The following PNLDC1 variants were observed in gnomAD, a reference collection of about 807,000 sequenced individuals.
PNLDC1 encodes the protein PARN like ribonuclease domain containing exonuclease 1.
Under a neutral mutation model 82.0 loss-of-function variants are expected in PNLDC1, and 70 were observed. The observed-to-expected ratio is 0.85, with a 90% confidence interval of 0.70 to 1.04. The LOEUF (loss-of-function observed/expected upper bound fraction) is 1.04, where lower values mean the gene tolerates loss of function less well. Ranked by LOEUF, PNLDC1 falls within the 50% of genes least tolerant of loss-of-function variation. The probability of loss-of-function intolerance (pLI) is 0.00; values close to 1 mark genes in which losing one functional copy is unlikely to be tolerated. For missense variants in PNLDC1, 631 were observed against 661.1 expected, an observed-to-expected ratio of 0.95 and a Z score of 0.50; for synonymous variants, 280 against 249.3, an observed-to-expected ratio of 1.12 and a Z score of -1.16.
chr6:159,805,857 G>T, intron 6 of PNLDC1, 126 bp from the exon 7 acceptor site: 2 of 699,132 alleles, frequency 2.9e-6, no homozygotes, highest in South Asian at 1.6e-5. Flanking sequence ...TCTTCTTTTG[G>T]TACATTTTCT....
In PNLDC1 at chr6:159,819,040, A is replaced by G. The variant is rs749654561; in HGVS notation, c.1352A>G (p.His451Arg). The G allele has an allele frequency of 9.3e-6, 15 of 1,613,904 alleles. No individual in the cohort carries two copies. Among genetic ancestry groups the G allele is most frequent in the Admixed American group, 3.3e-5 (2 of 59,998 alleles). Residue 451 changes from histidine (H) to arginine (R), a missense_variant, in exon 17 of 19, where the codon CAT becomes CGT. By Grantham distance (29) the His-to-Arg change is conservative (BLOSUM62 0). Coordinates refer to ENST00000392167, the MANE Select transcript of PNLDC1 (RefSeq NM_001271862.2). This position sits in a 1 kb window ranked among gnomAD's most constrained non-coding sequence, Gnocchi z 4.6. ...GGGGTCAGCGAGCAGCAAGTCTACC[A>G]TAAGTTTCAGAATCTCTGCAAGTTT... ...WPGVSEQQVY[H>R]KFQNLCKFDV...
rs1781719920 is a variant in PNLDC1, at chr6:159,813,727, G to A, written c.995+71G>A. ...GCCTCCCTGTGCTCCGCAGGCCTTT[G>A]GGCTCTCTAGGCGTGCCCACCATTC... On this transcript the variant is annotated intron_variant, in intron 12 of 18. Coordinates refer to ENST00000392167, the MANE Select transcript of PNLDC1 (RefSeq NM_001271862.2). 92 of 1,374,914 alleles carry A rather than the reference G, an allele frequency of 6.7e-5. 3 individuals are homozygous for A. The South Asian group carries it at 1.0e-3, about 15-fold the overall frequency. 85.2% of individuals were successfully genotyped at this position (1,374,914 alleles called of 1,614,324 possible).
intron 5 of PNLDC1, 133 bp downstream of exon 5, chr6:159,804,221 C>G: frequency 9.2e-7 from 1 of 1,081,422 alleles, no homozygotes; most frequent in Non-Finnish European, 1.3e-6. Flanking sequence ...CTGCTTCAGC[C>G]TCCCAAGTAG....
chr6:159,816,698 T>C, intron 14 of PNLDC1, 102 bp downstream of exon 14: 1 of 1,091,468 alleles, frequency 9.2e-7, no homozygotes, highest in Non-Finnish European at 1.4e-6. Context: ...GTGGTGAGGA[T>C]CTCGGCTCAC....
At chr6:159,800,126 A>G (rs1781177720), upstream of PNLDC1, 1 of 541,404 alleles carries the variant, frequency 1.8e-6, no homozygotes, top group South Asian at 2.6e-5. Flanking sequence ...GTACAATTAA[A>G]ACACCCGCAG....
In PNLDC1 at chr6:159,820,588, G is replaced by T. The variant is rs968199426; in HGVS notation, c.*71G>T. On this transcript the variant is annotated 3_prime_UTR_variant, in exon 19 of 19. Transcript: ENST00000392167. ...TGGGAGGTGTGCTGGGTGTGTTCGT[G>T]TAAATCAGATTCTGTTTGCAGATGG... is the stretch of plus-strand genomic sequence containing the variant. 7.0e-7 allele frequency: 1 copy of T among 1,427,866 alleles called. No individual in the cohort carries two copies. The highest frequency in any genetic ancestry group is 1.4e-5 in the African/African-American group (1 of 71,194). The allele number at this position is 1,427,866 out of a possible 1,614,324, so 88.4% of individuals were successfully genotyped here. A position where few individuals can be genotyped will look rare whatever the true frequency, so the allele number is the denominator to read the frequency against.
rs764184043 is a variant in PNLDC1 at position 159,809,015 on chromosome 6, G to T, written c.640G>T (p.Val214Leu). The T allele has an allele frequency of 6.2e-7, 1 of 1,612,184 alleles. No individual in the cohort carries two copies. ...NIWTVLKDEGVVVKKVSKQHR... is the reference protein window; with the variant it reads ...NIWTVLKDEGLVVKKVSKQHR... Reference sequence around the variant, plus strand: ...CAGGGAATTTGTCCCTGCTTTTCAGGTGGTAGTGAAGAAAGTGAGTAAACA... The same window carrying T: ...CAGGGAATTTGTCCCTGCTTTTCAGTTGGTAGTGAAGAAAGTGAGTAAACA... Residue 214 changes from valine to leucine, a missense_variant and splice_region_variant, in exon 9 of 19, where the codon GTG becomes TTG. By Grantham distance (32) the Val-to-Leu change is conservative. Coordinates refer to ENST00000392167, the MANE Select transcript of PNLDC1 (RefSeq NM_001271862.2).
chr6:159,810,002 C>A (rs1279646268), intron 9 of PNLDC1, 24 bp from the exon 10 acceptor site: 1 of 1,593,086 alleles, frequency 6.3e-7, no homozygotes, highest in East Asian at 2.2e-5. Context: ...TATTTTCTCT[C>A]ACCTGTTGAT....
In PNLDC1 at chr6:159,800,317, G is replaced by T; in HGVS notation, c.10G>T (p.Gly4Cys). The change falls in exon 1 of 19, where the codon GGC (glycine) becomes TGC (cysteine). Residue 4 changes from glycine (G) to cysteine (C), a missense_variant. Transcript: ENST00000392167. Reference sequence around the variant, plus strand: ...GCGGAGCTGCACGGCCATGGACGTGGGCGCCGACGAGTTCGAGGAGAGCCT... The same window carrying T: ...GCGGAGCTGCACGGCCATGGACGTGTGCGCCGACGAGTTCGAGGAGAGCCT... Reference protein sequence around the residue: MDVGADEFEESLPL... With the variant: MDVCADEFEESLPL... The T allele has an allele frequency of 6.5e-7, 1 of 1,547,708 alleles. No homozygotes were observed. Among genetic ancestry groups the T allele is most frequent in the Non-Finnish European group, 8.7e-7 (1 of 1,146,258 alleles).
chr6:159,813,163 G>T (rs569920297), intron 11 of PNLDC1, among the ~76,000 whole-genome samples: 1 of 152,314 alleles, frequency 6.6e-6, no homozygotes, highest in South Asian at 2.1e-4. Flanking sequence ...GTCTGTCTTT[G>T]CCCAGAGGCT....
rs143586629 is a variant in PNLDC1, at chr6:159,819,076, G to A, written c.1388G>A (p.Arg463Gln). The part of the protein sequence containing the change: ...FQNLCKFDVR[R>Q]LTRSQFLLLT... ...AATCTCTGCAAGTTTGATGTCAGGC[G>A]ACTCACAAGAAGCCAGTTCTTACTC... The change falls in exon 17 of 19, where the codon CGA (arginine) becomes CAA (glutamine). Residue 463 changes from arginine to glutamine, a missense_variant. Arg to Gln is a conservative substitution (Grantham distance 43, BLOSUM62 1). Transcript: ENST00000392167. This position sits in a 1 kb window ranked among gnomAD's most constrained non-coding sequence, Gnocchi z 4.6. 2.4e-5 allele frequency: 38 copies of A among 1,613,820 alleles called. No homozygotes were observed. Among genetic ancestry groups the A allele is most frequent in the East Asian group, 4.5e-5 (2 of 44,882 alleles).
chr6:159,818,320 C>T (rs942205469), intron 15 of PNLDC1, among the ~76,000 whole-genome samples: 1 of 152,232 alleles, frequency 6.6e-6, no homozygotes, highest in Non-Finnish European at 1.5e-5. Flanking sequence ...ACCAAACCAT[C>T]ACCAGCAGAT....
intron 1 of PNLDC1, 174 bp downstream of exon 1, chr6:159,800,557 A>T: frequency 7.3e-7 from 1 of 1,375,170 alleles, no homozygotes; most frequent in South Asian, 1.3e-5. Context: ...CAGCAAGTAC[A>T]CTCCGAGCCC....
chr6:159,803,449 C>T (rs577355197), intron 4 of PNLDC1, 139 bp downstream of exon 4: 2 of 719,370 alleles, frequency 2.8e-6, no homozygotes, highest in Non-Finnish European at 4.7e-6. Context: ...TTCCTCCACT[C>T]ACTCTGCCCT....
intron 13 of PNLDC1, 98 bp downstream of exon 13, chr6:159,816,131 CACCCACCCGCCACACCCCT>C (rs1781810396): frequency 2.0e-6 from 1 of 493,310 alleles, no homozygotes; most frequent in Non-Finnish European, 2.7e-6. Flanking sequence ...CACCCCTCCC[CACCCACCCGCCACACCCCT>C]CCCCACCCCC....
At chr6:159,800,673 AGGTGAGCGCG>A (rs1781210351) in intron 1 of PNLDC1, 89 bp from the exon 2 acceptor site, 1 of 1,613,412 alleles carries the variant, frequency 6.2e-7, no homozygotes, top group Admixed American at 1.7e-5. Context: ...TTGAGCGCAG[AGGTGAGCGCG>A]GGTGCCTTGG....
chr6:159,807,910 T>C (rs2115037138), intron 7 of PNLDC1, among the ~76,000 whole-genome samples: 1 of 149,246 alleles, frequency 6.7e-6, no homozygotes, highest in South Asian at 2.1e-4. Flanking sequence ...GAGGCTGGAT[T>C]TTTTTTTTCT....
chr6:159,801,200 C>A lies in PNLDC1; in HGVS notation c.208+14C>A. 5 of 1,608,800 alleles carry A rather than the reference C, an allele frequency of 3.1e-6. No homozygotes were observed. Among genetic ancestry groups the A allele is most frequent in the Non-Finnish European group, 1.7e-6 (2 of 1,175,136 alleles). On this transcript the variant is annotated intron_variant, in intron 3 of 18. Transcript: ENST00000392167. The stretch of plus-strand genomic sequence containing the variant: ...TCTGTCAGATTGGTGAGTTTAATAT[C>A]AGCTGTTAGAGTTTTTCAAGAAGGT...
At chr6:159,800,421 C>A (rs1205897585) in intron 1 of PNLDC1, 38 bp downstream of exon 1, 58 of 1,533,478 alleles carry the variant, frequency 3.8e-5, no homozygotes, top group Non-Finnish European at 4.8e-5. Context: ...CCGGACAGAG[C>A]CCCTTGCCCC....
Sources: allele counts gnomAD v4.1 joint callset (sites outside exome capture counted in the v4.1 genomes callset), GRCh38; gene constraint gnomAD v4.1.1; non-coding constraint Gnocchi (gnomAD v3.1); transcripts MANE v1.5; gene names NCBI Gene and HGNC (gene_info 2026-07-23, HGNC 2026-07-21).